PLD5: variants seen among roughly 807,000 people sequenced by gnomAD.
PLD5 encodes the protein inactive phospholipase D5.
Under a neutral mutation model 61.1 loss-of-function variants are expected in PLD5, and 36 were observed. The ratio of observed to expected loss-of-function variants is 0.59; its 90% CI spans 0.45 to 0.78. The LOEUF (loss-of-function observed/expected upper bound fraction) is 0.78, where lower values mean the gene tolerates loss of function less well. PLD5 is among the 30% of genes least tolerant of loss of function. The probability of loss-of-function intolerance (pLI) is 0.00; values close to 1 mark genes in which losing one functional copy is unlikely to be tolerated. For missense variants in PLD5, 515 were observed against 644.4 expected (o/e 0.80, Z 2.17); for synonymous variants, 243 against 242.8 (o/e 1.00, Z -0.01).
chr1:242,525,306 C>T (rs1336933722), upstream of PLD5, among the ~76,000 whole-genome samples: 2 of 151,384 alleles, frequency 1.3e-5, no homozygotes, highest in Non-Finnish European at 3.0e-5. Context: ...CACCTAGAAC[C>T]GGGCTCCCCG....
intron 6 of PLD5, among the ~76,000 whole-genome samples, chr1:242,123,783 C>T (rs1268328401): frequency 6.6e-6 from 1 of 152,120 alleles, no homozygotes; most frequent in African/African-American, 2.4e-5. Flanking sequence ...GACTGTAGGC[C>T]CAGATATTTA....
At chr1:242,473,990 T>C (rs1667515529) in intron 1 of PLD5, among the ~76,000 whole-genome samples, 1 of 152,146 alleles carries the variant, frequency 6.6e-6, no homozygotes, top group Non-Finnish European at 1.5e-5. Context: ...GAGTTTCAAA[T>C]ACAAATAAGC....
intron 1 of PLD5, among the ~76,000 whole-genome samples, chr1:242,497,554 C>G (rs930663161): frequency 2.6e-5 from 4 of 152,152 alleles, no homozygotes; most frequent in Non-Finnish European, 4.4e-5. Context: ...TTGGAACAGG[C>G]CTGGGTTTGA....
chr1:242,372,110 A>G (rs1661670829), intron 1 of PLD5, among the ~76,000 whole-genome samples: 1 of 152,152 alleles, frequency 6.6e-6, no homozygotes. Context: ...AGGACCTTAC[A>G]TCACTGAAGG....
chr1:242,267,216 A>AAAGG (rs1330565922), intron 3 of PLD5, among the ~76,000 whole-genome samples: 1 of 151,606 alleles, frequency 6.6e-6, no homozygotes, highest in Non-Finnish European at 1.5e-5. Flanking sequence ...AGGGAAAGGG[A>AAAGG]GAAACTGAAG....
At chr1:242,320,028 C>T (rs1292508237) in intron 2 of PLD5, among the ~76,000 whole-genome samples, 1 of 152,176 alleles carries the variant, frequency 6.6e-6, no homozygotes, top group East Asian at 1.9e-4. Flanking sequence ...GCACAGACCA[C>T]AGATTTTTCC....
intron 5 of PLD5, among the ~76,000 whole-genome samples, chr1:242,197,643 T>C (rs1668720146): frequency 1.3e-5 from 2 of 151,750 alleles, no homozygotes; most frequent in Non-Finnish European, 2.9e-5. Flanking sequence ...CTTTTTTTTT[T>C]TTTTTTTCTG....
In PLD5 at chr1:242,394,313, T is replaced by A. The variant is rs1201078007; in HGVS notation, c.190-46071A>T. 3.9e-4 allele frequency among the ~76,000 whole-genome samples: 32 copies of A among 81,966 alleles called. 1 individual carries two copies. Among genetic ancestry groups the A allele is most frequent in the East Asian group, 6.1e-4 (2 of 3,280 alleles). The allele number at this position is 81,966 out of a possible 152,430, so 53.8% of individuals were successfully genotyped here. Reference sequence around the variant, plus strand: ...ATGAGTATATATATGAGTATATATGTGTGTATATATGAGTATATATGTGTG... The same window carrying A: ...ATGAGTATATATATGAGTATATATGAGTGTATATATGAGTATATATGTGTG... On this transcript the variant is annotated intron_variant, in intron 1 of 9. Coordinates refer to ENST00000536534, the MANE Select transcript of PLD5 (RefSeq NM_001372062.1).
intron 1 of PLD5, among the ~76,000 whole-genome samples, chr1:242,499,460 CTCTA>C (rs1307321571): frequency 1.3e-5 from 2 of 152,138 alleles, no homozygotes; most frequent in African/African-American, 4.8e-5. Context: ...ATTTATCTAC[CTCTA>C]TCTATCATAT....
At chr1:242,435,937 T>C (rs891014087) in intron 1 of PLD5, among the ~76,000 whole-genome samples, 2 of 152,132 alleles carry the variant, frequency 1.3e-5, no homozygotes, top group Admixed American at 6.5e-5. Context: ...TAAAAAGTAG[T>C]AGAGAAAGAA....
At chr1:242,321,356 T>G (rs977219883) in intron 2 of PLD5, among the ~76,000 whole-genome samples, 1 of 151,670 alleles carries the variant, frequency 6.6e-6, no homozygotes, top group Non-Finnish European at 1.5e-5. Flanking sequence ...CAGGCTGGAG[T>G]ACAATGGCAT....
chr1:242,343,667 G>T (rs560454007), intron 2 of PLD5, among the ~76,000 whole-genome samples: 41 of 151,540 alleles, frequency 2.7e-4, no homozygotes, highest in African/African-American at 9.5e-4. Flanking sequence ...CTCTCCTGCA[G>T]ACTTATGAGG....
chr1:242,104,140 G>A (rs891310473), intron 8 of PLD5, among the ~76,000 whole-genome samples: 16 of 142,682 alleles, frequency 1.1e-4, no homozygotes, highest in Non-Finnish European at 1.7e-4. Flanking sequence ...TTTTTGCTTC[G>A]AGACAGTCTT....
chr1:242,479,844 C>G (rs570386534), intron 1 of PLD5, among the ~76,000 whole-genome samples: 1 of 151,148 alleles, frequency 6.6e-6, no homozygotes, highest in Admixed American at 6.6e-5. Flanking sequence ...GAGATCGAGA[C>G]TAACCTGGCC....
Position 242,089,839 on chromosome 1 carries a change from A to G in PLD5, c.*15T>C. ...ATATGAAATACAGAGCTGTCCTGTC[A>G]GTTTCTTCATCATGTTATACGTTCC... On this transcript the variant is annotated 3_prime_UTR_variant, in exon 10 of 10. Transcript: ENST00000536534. The G allele has an allele frequency of 6.2e-7, 1 of 1,613,792 alleles. No homozygotes were observed. Among genetic ancestry groups the G allele is most frequent in the Non-Finnish European group, 8.5e-7 (1 of 1,179,716 alleles).
intron 2 of PLD5, among the ~76,000 whole-genome samples, chr1:242,316,677 C>A (rs919536066): frequency 2.4e-4 from 37 of 152,278 alleles, no homozygotes; most frequent in African/African-American, 8.4e-4. Context: ...AAACTTGTGT[C>A]ATGGGGATTT....
At chr1:242,274,515 G>A (rs1674298578) in intron 3 of PLD5, among the ~76,000 whole-genome samples, 1 of 152,224 alleles carries the variant, frequency 6.6e-6, no homozygotes, top group African/African-American at 2.4e-5. Context: ...AGCATTTTGG[G>A]AGGCCGAGGC....
intron 5 of PLD5, among the ~76,000 whole-genome samples, chr1:242,139,944 C>A (rs1378615332): frequency 6.6e-6 from 1 of 152,154 alleles, no homozygotes; most frequent in Non-Finnish European, 1.5e-5. Context: ...GTGTGATTCT[C>A]CTGCAACTTA....
Position 242,319,360 on chromosome 1 carries a change from T to C in PLD5, c.326+28746A>G, listed in dbSNP as rs544051574. On this transcript the variant is annotated intron_variant, in intron 2 of 9. Coordinates refer to ENST00000536534, the MANE Select transcript of PLD5 (RefSeq NM_001372062.1). Reference sequence around the variant, plus strand: ...TTGGAAAGATTATATATAGTCCCTATAAATAAATACTGATACTTACAAATA... The same window carrying C: ...TTGGAAAGATTATATATAGTCCCTACAAATAAATACTGATACTTACAAATA... Among the ~76,000 whole-genome samples, 7 of 150,566 alleles carry C rather than the reference T, an allele frequency of 4.6e-5. No individual in the cohort carries two copies. The South Asian group carries it at 6.4e-4, about 14-fold the overall frequency.
Sources: gnomAD v4.1 joint callset for allele counts (sites outside exome capture counted in the v4.1 genomes callset) on GRCh38, gnomAD v4.1.1 for gene constraint, MANE v1.5 for transcripts, NCBI Gene and HGNC (gene_info 2026-07-23, HGNC 2026-07-21) for gene names.